The following TENM2 variants were observed in gnomAD, a reference collection of about 807,000 sequenced individuals.
TENM2 encodes the protein teneurin-2.
A neutral mutation model predicts 245.2 loss-of-function variants in TENM2; 52 were observed. That is an observed-to-expected ratio of 0.21 (90% confidence interval 0.17 to 0.27). The LOEUF (loss-of-function observed/expected upper bound fraction) is 0.27, where lower values mean the gene tolerates loss of function less well. TENM2 is among the 10% of genes least tolerant of loss of function. The probability of loss-of-function intolerance (pLI) is 1.00; values close to 1 mark genes in which losing one functional copy is unlikely to be tolerated. For synonymous variants in TENM2, 1,363 were observed against 1,438.9 expected (o/e 0.95, Z 1.19); for missense variants, 3,046 against 3,666.8 (o/e 0.83, Z 4.37).
intron 9 of TENM2, among the ~76,000 whole-genome samples, chr5:168,109,922 C>T (rs1469221137): frequency 6.6e-6 from 1 of 152,102 alleles, no homozygotes; most frequent in Non-Finnish European, 1.5e-5. Context: ...AGCTCCAAAA[C>T]GCGGCAGCTC....
intron 2 of TENM2, among the ~76,000 whole-genome samples, chr5:167,786,823 T>G (rs1764610905): frequency 6.6e-6 from 1 of 152,330 alleles, no homozygotes; most frequent in Middle Eastern, 3.4e-3. Flanking sequence ...GGGCCACATC[T>G]CAGAGCTCCC....
chr5:167,817,217 T>C (rs1346224799), intron 2 of TENM2, among the ~76,000 whole-genome samples: 3 of 152,228 alleles, frequency 2.0e-5, no homozygotes, highest in Non-Finnish European at 2.9e-5. Flanking sequence ...AGTGTGCTGA[T>C]ATTTCTTAGA....
intron 2 of TENM2, among the ~76,000 whole-genome samples, chr5:167,828,309 C>T (rs1768161147): frequency 1.3e-5 from 2 of 152,154 alleles, no homozygotes. Context: ...CCGATGCTGT[C>T]CCTGACCCCT....
intron 4 of TENM2, among the ~76,000 whole-genome samples, chr5:167,976,501 G>A (rs909473545): frequency 2.6e-5 from 4 of 152,224 alleles, no homozygotes; most frequent in Admixed American, 2.6e-4. Context: ...TCTAACATTA[G>A]TAATATACAA....
At chr5:167,851,131 T>C (rs899178082) in intron 2 of TENM2, among the ~76,000 whole-genome samples, 1 of 151,964 alleles carries the variant, frequency 6.6e-6, no homozygotes, top group Non-Finnish European at 1.5e-5. Flanking sequence ...AACTTGGAAA[T>C]TATGTTGATT....
intron 2 of TENM2, among the ~76,000 whole-genome samples, chr5:167,514,445 C>T (rs752196262): frequency 6.6e-6 from 1 of 152,112 alleles, no homozygotes; most frequent in African/African-American, 2.4e-5. Context: ...GCCTAGTAAC[C>T]GTGTTCATCC....
chr5:167,875,957 A>G (rs1360690863), intron 2 of TENM2, 29 bp from the exon 5 acceptor site: 1 of 1,507,568 alleles, frequency 6.6e-7, no homozygotes, highest in South Asian at 1.2e-5. Context: ...CTCATTGCTG[A>G]CCTTTGACCC....
chr5:167,276,801 T>G, the TENM2 span, among the ~76,000 whole-genome samples: 1 of 152,242 alleles, frequency 6.6e-6, no homozygotes, highest in East Asian at 1.9e-4. Context: ...GTATGATTTT[T>G]TATTGTTGTA....
At chr5:167,042,153 T>G in the TENM2 span, among the ~76,000 whole-genome samples, 9 of 152,200 alleles carry the variant, frequency 5.9e-5, no homozygotes, top group Admixed American at 5.2e-4. Context: ...AAGATACAAA[T>G]CATTATTACT....
chr5:167,518,138 G>C (rs112452230), intron 2 of TENM2, among the ~76,000 whole-genome samples: 2 of 151,380 alleles, frequency 1.3e-5, no homozygotes, highest in African/African-American at 4.9e-5. Flanking sequence ...TCCAGCCTGG[G>C]TGATAGAGCA....
chr5:167,097,974 T>G, the TENM2 span, among the ~76,000 whole-genome samples: 6 of 152,220 alleles, frequency 3.9e-5, no homozygotes, highest in South Asian at 1.2e-3. Flanking sequence ...ATTAGAATGA[T>G]GTTACTTACC....
the TENM2 span, among the ~76,000 whole-genome samples, chr5:167,246,663 T>C: frequency 6.6e-6 from 1 of 152,124 alleles, no homozygotes; most frequent in Non-Finnish European, 1.5e-5. Context: ...GGGCAAGCTT[T>C]TGCAGTAGTT....
chr5:167,714,594 C>G (rs758140194), intron 2 of TENM2, among the ~76,000 whole-genome samples: 4 of 152,114 alleles, frequency 2.6e-5, no homozygotes, highest in Non-Finnish European at 4.4e-5. Context: ...GCCCAACAAA[C>G]CAATGGCATG....
rs79374298 is a variant in TENM2, at chr5:167,484,349, G to A, written c.502+108876G>A. On this transcript the variant is annotated intron_variant, in intron 2 of 28. Coordinates refer to ENST00000518659, the Ensembl canonical transcript of TENM2. ...CAAATTACAGTGAGGTCATTAGGGT[G>A]GACCTTAATCTCACTGATGTCTTTA... Among the ~76,000 whole-genome samples the A allele has an allele frequency of 3.7e-3, 562 of 152,198 alleles. 22 individuals are homozygous for A. In the South Asian group the frequency reaches 0.081, roughly 22 times the overall value.
chr5:167,973,605 C>G (rs752781812), intron 4 of TENM2, among the ~76,000 whole-genome samples: 1 of 152,176 alleles, frequency 6.6e-6, no homozygotes, highest in African/African-American at 2.4e-5. Context: ...TCCAACCTAC[C>G]TGGTCAGGGA....
intron 2 of TENM2, among the ~76,000 whole-genome samples, chr5:167,679,006 C>T (rs2150370187): frequency 6.6e-6 from 1 of 152,104 alleles, no homozygotes; most frequent in South Asian, 2.1e-4. Flanking sequence ...CAGTTGGAAG[C>T]CAAGCTGAAC....
chr5:168,237,795 A>C (rs1160933474), intron 25 of TENM2, among the ~76,000 whole-genome samples: 5 of 151,858 alleles, frequency 3.3e-5, no homozygotes, highest in African/African-American at 4.8e-5. Context: ...CTCCACAAGC[A>C]CTGATCCCAA....
intron 15 of TENM2, 93 bp downstream of exon 17, chr5:168,195,388 C>T (rs993219417): frequency 1.4e-6 from 2 of 1,447,914 alleles, no homozygotes; most frequent in South Asian, 1.3e-5. Context: ...CAGGATTCCC[C>T]CTGGTGGACT....
intron 2 of TENM2, among the ~76,000 whole-genome samples, chr5:167,640,904 T>TATA (rs1561629289): frequency 3.3e-4 from 37 of 113,470 alleles, no homozygotes; most frequent in African/African-American, 9.5e-4. Flanking sequence ...TATATATATA[T>TATA]ATCTTTCTCT....
Sources: allele counts gnomAD v4.1 joint callset (sites outside exome capture counted in the v4.1 genomes callset), GRCh38; gene constraint gnomAD v4.1.1; transcripts MANE v1.5; gene names NCBI Gene and HGNC (gene_info 2026-07-23, HGNC 2026-07-21).